The following GGT1 variants were observed in gnomAD, a reference collection of about 807,000 sequenced individuals.
GGT1 encodes the protein glutathione hydrolase 1 proenzyme.
In GGT1, 21 loss-of-function variants were observed where a neutral mutation model predicts 56.0. The ratio of observed to expected loss-of-function variants is 0.38; its 90% confidence interval spans 0.27 to 0.54. The LOEUF (loss-of-function observed/expected upper bound fraction) is 0.54. GGT1 is among the 20% of genes least tolerant of loss of function. The pLI is 0.82. For synonymous variants in GGT1, 238 were observed against 342.6 expected (o/e 0.69, Z 3.37); for missense variants, 466 against 787.0 (o/e 0.59, Z 4.88).
chr22:24,614,670 A>G (rs1035123532), intron 5 of GGT1, 106 bp from the exon 6 acceptor site: 14 of 982,674 alleles, frequency 1.4e-5, no homozygotes, highest in African/African-American at 6.7e-5. Flanking sequence ...CAAAACTCGA[A>G]TGGACTTCTC....
the GGT1 span, among the ~76,000 whole-genome samples, chr22:24,584,825 T>C: frequency 6.6e-6 from 1 of 152,010 alleles, no homozygotes; most frequent in Non-Finnish European, 1.5e-5. Context: ...CTGCCCTGCC[T>C]GTCTTCTGGT....
In GGT1 at chr22:24,605,959, T is replaced by G; in HGVS notation, c.-428-1995T>G. On this transcript the variant is annotated intron_variant, in intron 1 of 15. Transcript: ENST00000400382. ...ATATAATATATAATATTATATATAATATATTACATATAATATATCATATAT... is the reference window on the plus strand; with the variant it reads ...ATATAATATATAATATTATATATAAGATATTACATATAATATATCATATAT... Among the ~76,000 whole-genome samples the G allele has an allele frequency of 2.4e-5, 2 of 83,308 alleles. 1 individual carries two copies. Among genetic ancestry groups the G allele is most frequent in the Non-Finnish European group, 4.3e-5 (2 of 46,328 alleles). The allele number at this position is 83,308 out of a possible 152,430, so 54.7% of individuals were successfully genotyped here.
the GGT1 span, among the ~76,000 whole-genome samples, chr22:24,587,276 G>A: frequency 7.2e-4 from 110 of 152,292 alleles, 1 homozygote; most frequent in Admixed American, 3.3e-3. Flanking sequence ...GCTGGGGGCC[G>A]GCCATGAGGG....
At position 24,623,113 on chromosome 22, in the gene GGT1, T is replaced by C. The variant is rs1456448297; in HGVS notation, c.740T>C (p.Ile247Thr). The change falls in exon 10 of 16, where the codon ATT becomes ACT. Residue 247 changes from isoleucine to threonine, a missense_variant. Coordinates refer to ENST00000400382, the MANE Select transcript of GGT1 (RefSeq NM_001288833.2). ...AGCTGCTGTCCCATTGCAGGGGGCA[T>C]TGTGACAGCTGAGGACCTGAACAAC... ...IVKDIQAAGG[I>T]VTAEDLNNYR... The C allele has an allele frequency of 1.9e-6, 3 of 1,611,658 alleles. No homozygotes were observed. The African/African-American group carries it at 4.0e-5, about 22-fold the overall frequency.
At chr22:24,594,685 G>A (rs1482790805), upstream of GGT1, 1 of 152,366 alleles carries the variant, frequency 6.6e-6, no homozygotes, top group Non-Finnish European at 1.5e-5. Flanking sequence ...TCCCACTCCA[G>A]TGCAGCCAGC....
chr22:24,611,562 CT>C (rs1172000226), intron 5 of GGT1, among the ~76,000 whole-genome samples: 10 of 148,234 alleles, frequency 6.7e-5, no homozygotes, highest in African/African-American at 2.5e-4. Context: ...ATCTATCTAT[CT>C]ATCTATCTAT....
At chr22:24,584,206 G>A in the GGT1 span, among the ~76,000 whole-genome samples, 1 of 152,160 alleles carries the variant, frequency 6.6e-6, no homozygotes. Context: ...CTAAAACAAG[G>A]AGAGCTGGGA....
At position 24,614,852 on chromosome 22, in the gene GGT1, C is replaced by T; in HGVS notation, c.241C>T (p.His81Tyr). ...GTTGTGTGTGGGGCTCATGAATGCCCACAGCATGGGCATCGGGGGTGGCCT... is the reference window on the plus strand; with the variant it reads ...GTTGTGTGTGGGGCTCATGAATGCCTACAGCATGGGCATCGGGGGTGGCCT... Reference protein sequence around the residue: ...ALLCVGLMNAHSMGIGGGLFL... With the variant: ...ALLCVGLMNAYSMGIGGGLFL... The change falls in exon 6 of 16, where the codon CAC becomes TAC. Residue 81 changes from histidine to tyrosine, a missense_variant. By Grantham distance (83) the His-to-Tyr change is moderately conservative. Around this residue, in one of 2 missense-constraint regions of GGT1, gnomAD observed 456 missense variants for 716.7 expected, o/e 0.64. Transcript: ENST00000400382. 1 of 1,613,380 alleles carries T rather than the reference C, an allele frequency of 6.2e-7. No homozygotes were observed. Among genetic ancestry groups the T allele is most frequent in the Non-Finnish European group, 8.5e-7 (1 of 1,179,550 alleles).
chr22:24,612,956 G>C (rs2046815206), intron 5 of GGT1, among the ~76,000 whole-genome samples: 1 of 152,174 alleles, frequency 6.6e-6, no homozygotes, highest in African/African-American at 2.4e-5. Flanking sequence ...TTCCTAAAGT[G>C]CTGGGATTAC....
intron 5 of GGT1, among the ~76,000 whole-genome samples, chr22:24,613,759 AAAAG>A (rs1177081519): frequency 9.4e-5 from 14 of 148,690 alleles, no homozygotes; most frequent in Non-Finnish European, 1.8e-4. Context: ...CAGAAAAAAA[AAAAG>A]AAAGAAAAGA....
chr22:24,627,034 C>G, intron 11 of GGT1: 1 of 371,154 alleles, frequency 2.7e-6, no homozygotes, highest in Non-Finnish European at 5.2e-6. Context: ...TTCCCCTTAC[C>G]TGGCTTGTGG....
chr22:24,593,893 C>A (rs2045643153), upstream of GGT1, among the ~76,000 whole-genome samples: 1 of 152,222 alleles, frequency 6.6e-6, no homozygotes, highest in Non-Finnish European at 1.5e-5. Flanking sequence ...TTTACTGCCT[C>A]CTGCTTCTTG....
At chr22:24,592,893 G>A (rs1295952193), upstream of GGT1, 1 of 1,280,878 alleles carries the variant, frequency 7.8e-7, no homozygotes, top group South Asian at 2.4e-5. Flanking sequence ...GCTGCCGGGC[G>A]CGCTCCGGCC....
At chr22:24,596,073 C>T (rs1411644190) in intron 1 of GGT1, among the ~76,000 whole-genome samples, 1 of 152,194 alleles carries the variant, frequency 6.6e-6, no homozygotes, top group Non-Finnish European at 1.5e-5. Flanking sequence ...TGTCAACCTT[C>T]TGCAGGGCCA....
the GGT1 span, chr22:24,585,534 T>C: frequency 3.3e-6 from 1 of 305,528 alleles, no homozygotes; most frequent in African/African-American, 2.2e-5. Context: ...AGTGTGACCT[T>C]TGTCCCACCC....
intron 11 of GGT1, chr22:24,624,403 C>T: frequency 1.0e-6 from 1 of 985,274 alleles, no homozygotes; most frequent in Non-Finnish European, 1.2e-6. Context: ...TGTCATATCC[C>T]TTCCCGCTGA....
At chr22:24,612,295 TTTTTA>T (rs1356003095) in intron 5 of GGT1, among the ~76,000 whole-genome samples, 1 of 149,764 alleles carries the variant, frequency 6.7e-6, no homozygotes, top group African/African-American at 2.4e-5. Flanking sequence ...TCTTTCTTTT[TTTTTA>T]TTTTATTTTA....
chr22:24,588,235 C>T, the GGT1 span: 18 of 1,613,028 alleles, frequency 1.1e-5, no homozygotes, highest in Admixed American at 8.3e-5. Flanking sequence ...CTTCCTCTGG[C>T]GCAGGCTGGA....
At chr22:24,596,884 C>G (rs1039901407) in intron 1 of GGT1, among the ~76,000 whole-genome samples, 6 of 143,522 alleles carry the variant, frequency 4.2e-5, no homozygotes, top group Admixed American at 1.4e-4. Flanking sequence ...TGACTTCACT[C>G]CAGCCTGGTG....
Sources: allele counts gnomAD v4.1 joint callset (sites outside exome capture counted in the v4.1 genomes callset), GRCh38; gene constraint gnomAD v4.1.1; regional missense constraint gnomAD v4.1.1; transcripts MANE v1.5; gene names NCBI Gene and HGNC (gene_info 2026-07-23, HGNC 2026-07-21).